Variants in TCF12 observed in about 807,000 individuals in gnomAD.
TCF12 encodes the protein transcription factor 12.
TCF12 carries 45 observed loss-of-function variants against 86.0 expected under a neutral mutation model. That is an observed-to-expected ratio of 0.52 (90% CI 0.41 to 0.67). The LOEUF is 0.67. Among genes scored for constraint, TCF12 ranks in the 30% least tolerant of loss-of-function variants. The pLI is 0.00. For synonymous variants in TCF12, 330 were observed against 299.6 expected, an observed-to-expected ratio of 1.10 and a Z score of -1.05; for missense variants, 881 against 859.9, an observed-to-expected ratio of 1.02 and a Z score of -0.31.
At chr15:57,191,404 A>G (rs2056972731) in intron 6 of TCF12, among the ~76,000 whole-genome samples, 2 of 152,206 alleles carry the variant, frequency 1.3e-5, no homozygotes, top group African/African-American at 2.4e-5. Context: ...TCCAGGCTAT[A>G]GTAAGCTGTG....
chr15:57,018,532 G>C (rs1034187434), intron 3 of TCF12, among the ~76,000 whole-genome samples: 1 of 151,470 alleles, frequency 6.6e-6, no homozygotes, highest in East Asian at 1.9e-4. Context: ...GCAAGATCTC[G>C]GCTCACCGCA....
intron 3 of TCF12, among the ~76,000 whole-genome samples, chr15:57,040,672 A>G (rs1467793608): frequency 6.6e-6 from 1 of 152,242 alleles, no homozygotes; most frequent in Admixed American, 6.5e-5. Context: ...ATGAGCTCTC[A>G]GAATATCGAG....
At chr15:57,275,971 A>T (rs558536521) in intron 19 of TCF12, among the ~76,000 whole-genome samples, 2 of 152,238 alleles carry the variant, frequency 1.3e-5, no homozygotes, top group South Asian at 4.2e-4. Flanking sequence ...CTTTTCCATT[A>T]TCATGACTAC....
chr15:57,111,316 T>C (rs2050474484), intron 5 of TCF12, among the ~76,000 whole-genome samples: 1 of 152,166 alleles, frequency 6.6e-6, no homozygotes, highest in Non-Finnish European at 1.5e-5. Flanking sequence ...GTTCATTGTG[T>C]TCTTAAAAGA....
chr15:57,256,142 T>C (rs567267540), intron 16 of TCF12, among the ~76,000 whole-genome samples: 1 of 152,360 alleles, frequency 6.6e-6, no homozygotes, highest in South Asian at 2.1e-4. Context: ...TCTCCTGTCC[T>C]TCTGAAGTAA....
intron 5 of TCF12, among the ~76,000 whole-genome samples, chr15:57,124,874 C>T (rs890884515): frequency 5.1e-5 from 2 of 39,372 alleles, no homozygotes; most frequent in African/African-American, 1.7e-4. Flanking sequence ...GTAGAGATGG[C>T]GTTTCACCGT....
chr15:57,134,809 T>A (rs1221426462), intron 5 of TCF12, among the ~76,000 whole-genome samples: 3 of 152,130 alleles, frequency 2.0e-5, no homozygotes, highest in Non-Finnish European at 2.9e-5. Flanking sequence ...GTCAAGAGGT[T>A]GGAGCTTACT....
intron 5 of TCF12, among the ~76,000 whole-genome samples, chr15:57,092,432 G>C (rs1300326500): frequency 1.3e-5 from 2 of 152,124 alleles, no homozygotes; most frequent in Non-Finnish European, 2.9e-5. Flanking sequence ...CTTTCAAGAA[G>C]GGTATGCACT....
At chr15:56,920,880 G>T in intron 2 of TCF12, 146 bp from the exon 3 acceptor site, 1 of 539,024 alleles carries the variant, frequency 1.9e-6, no homozygotes, top group Non-Finnish European at 3.2e-6. Flanking sequence ...CAGTGTATTT[G>T]CCTCTCTGGA....
At chr15:57,007,820 T>C (rs867647293) in intron 3 of TCF12, among the ~76,000 whole-genome samples, 13 of 123,208 alleles carry the variant, frequency 1.1e-4, no homozygotes, top group Admixed American at 1.6e-4. Flanking sequence ...CTTTCTTTCT[T>C]TTTCTTTCTT....
At chr15:57,133,489 A>G (rs1166778177) in intron 5 of TCF12, among the ~76,000 whole-genome samples, 1 of 152,088 alleles carries the variant, frequency 6.6e-6, no homozygotes, top group Non-Finnish European at 1.5e-5. Flanking sequence ...GGTGCCATTG[A>G]TTGGTGGCCA....
chr15:57,151,562 C>T (rs911170729), intron 5 of TCF12, among the ~76,000 whole-genome samples: 5 of 151,916 alleles, frequency 3.3e-5, no homozygotes, highest in East Asian at 1.9e-4. Flanking sequence ...ATCAAGAGAT[C>T]GAGACCAGCC....
chr15:57,253,318 G>A lies in TCF12; in HGVS notation c.1317G>A (p.Arg439=), dbSNP rs760216765. The A allele has an allele frequency of 5.0e-6, 8 of 1,614,054 alleles. No homozygotes were observed. In the South Asian group the frequency reaches 7.7e-5, roughly 16 times the overall value. ...TGGATGATGCAATCCATGTGCTGCG[G>A]AACCATGCTGTGGGACCTTCCACCA... is the stretch of plus-strand genomic sequence containing the variant. The part of the protein sequence containing the change: ...DRLDDAIHVL[R]NHAVGPSTSL... The change falls in exon 16 of 21, where the codon CGG becomes CGA. Residue 439 remains arginine (R), a synonymous_variant. Coordinates refer to ENST00000333725, the MANE Select transcript of TCF12 (RefSeq NM_207037.2).
chr15:57,249,502 T>C (rs1308635290), intron 13 of TCF12, among the ~76,000 whole-genome samples: 1 of 152,202 alleles, frequency 6.6e-6, no homozygotes, highest in Non-Finnish European at 1.5e-5. Flanking sequence ...AGTATGCATA[T>C]AATTGTGAAA....
chr15:57,258,863 A>C (rs2060464743), intron 16 of TCF12, among the ~76,000 whole-genome samples: 1 of 152,174 alleles, frequency 6.6e-6, no homozygotes, highest in Non-Finnish European at 1.5e-5. Flanking sequence ...ACAGGCAAAT[A>C]GGGTAATATT....
intron 8 of TCF12, among the ~76,000 whole-genome samples, chr15:57,227,464 A>T (rs902236246): frequency 2.0e-5 from 3 of 152,146 alleles, no homozygotes; most frequent in Admixed American, 6.5e-5. Flanking sequence ...TTGTTGTATG[A>T]ACTAAAACAT....
chr15:57,286,378 G>A lies in TCF12; in HGVS notation c.*233G>A, dbSNP rs114139475. 4.6e-3 allele frequency: 1,215 copies of A among 261,998 alleles called. 16 individuals carry two copies. The highest frequency in any genetic ancestry group is 0.026 in the African/African-American group (1,149 of 44,664). 16.2% of individuals were successfully genotyped at this position (261,998 alleles called of 1,614,324 possible). ...CAGATAGAACATCAGCCCATGAGAT[G>A]TTTGCAACAAATCTTTTGTTGCAAG... On this transcript the variant is annotated 3_prime_UTR_variant, in exon 21 of 21. Coordinates refer to ENST00000333725, the MANE Select transcript of TCF12 (RefSeq NM_207037.2).
Position 57,063,752 on chromosome 15 carries a change from A to G in TCF12, c.151A>G (p.Ile51Val), listed in dbSNP as rs1331830038. 2.5e-6 allele frequency: 4 copies of G among 1,602,276 alleles called. No homozygotes were observed. Among genetic ancestry groups the G allele is most frequent in the African/African-American group, 1.3e-5 (1 of 74,794 alleles). ...LGSSQFSGSG[I>V]DERGGTTSWG... ...CTTTTATTTTCTTCTCTTTTTAGGT[A>G]TTGATGAAAGAGGAGGTACAACATC... The change falls in exon 4 of 21, where the codon ATT (isoleucine) becomes GTT (valine). Residue 51 changes from isoleucine to valine, a missense_variant and splice_region_variant. By Grantham distance (29) the Ile-to-Val change is conservative (BLOSUM62 3). Coordinates refer to ENST00000333725, the MANE Select transcript of TCF12 (RefSeq NM_207037.2).
chr15:57,225,885 G>C (rs1357116451), intron 8 of TCF12, among the ~76,000 whole-genome samples: 2 of 150,338 alleles, frequency 1.3e-5, no homozygotes, highest in African/African-American at 4.9e-5. Context: ...TATACTTTAA[G>C]TTTTAGGGTA....
Sources: gnomAD v4.1 joint callset for allele counts (sites outside exome capture counted in the v4.1 genomes callset) on GRCh38, gnomAD v4.1.1 for gene constraint, MANE v1.5 for transcripts, NCBI Gene and HGNC (gene_info 2026-07-23, HGNC 2026-07-21) for gene names.